ABCA5: variants seen among roughly 807,000 people sequenced by gnomAD.
ABCA5 encodes ATP binding cassette subfamily A member 5.
Under a neutral mutation model 206.0 loss-of-function variants are expected in ABCA5, and 163 were observed. The ratio of observed to expected loss-of-function variants is 0.79; its 90% confidence interval spans 0.70 to 0.90. The LOEUF is 0.90. ABCA5 is among the 40% of genes least tolerant of loss of function. The pLI, the probability that ABCA5 is intolerant of heterozygous loss-of-function variation, is 0.00. For missense variants in ABCA5, 1,859 were observed against 1,912.9 expected (o/e 0.97, Z 0.53); for synonymous variants, 609 against 613.8 (o/e 0.99, Z 0.11).
At position 69,277,764 on chromosome 17, in the gene ABCA5, A is replaced by T; in HGVS notation, c.2471T>A (p.Leu824His). The change falls in exon 19 of 39, where the codon CTT (leucine) becomes CAT (histidine). Residue 824 changes from leucine (L) to histidine (H), a missense_variant. Transcript: ENST00000392676. ...AGCAGCCTTGGTTTCAGAAAGAATA[A>T]GTAAGCTCTGTTCCATTTCATCAAA... ...KSFDEMEQSL[L>H]ILSETKAALV... The T allele has an allele frequency of 6.2e-7, 1 of 1,606,958 alleles. No individual in the cohort carries two copies.
chr17:69,266,571 A>AATATAT (rs201203170), intron 23 of ABCA5, among the ~76,000 whole-genome samples: 1 of 146,538 alleles, frequency 6.8e-6, no homozygotes, highest in Non-Finnish European at 1.5e-5. Context: ...GTATAATAAA[A>AATATAT]ATATATATAT....
chr17:69,325,768 C>G (rs2075893269), intron 1 of ABCA5: 1 of 152,242 alleles, frequency 6.6e-6, no homozygotes, highest in Non-Finnish European at 1.5e-5. Context: ...ACGTTCAAGG[C>G]TGCAGTGAAC....
intron 35 of ABCA5, 60 bp downstream of exon 35, chr17:69,251,687 G>A: frequency 6.5e-7 from 1 of 1,545,932 alleles, no homozygotes. Flanking sequence ...TTGAAATGAT[G>A]ACTTTCAAAA....
At chr17:69,313,394 A>C (rs2075788633) in intron 2 of ABCA5, 98 bp from the exon 3 acceptor site, 1 of 549,460 alleles carries the variant, frequency 1.8e-6, no homozygotes, top group East Asian at 3.3e-5. Context: ...AAAAAACAGG[A>C]AATTTGGTTG....
intron 12 of ABCA5, among the ~76,000 whole-genome samples, chr17:69,290,823 G>A (rs1406887933): frequency 2.0e-5 from 3 of 151,968 alleles, no homozygotes; most frequent in Admixed American, 2.0e-4. Flanking sequence ...TTAGAAGATA[G>A]TATGAACATT....
Position 69,271,306 on chromosome 17 carries a change from A to C in ABCA5, c.2765-17T>G. 6.3e-7 allele frequency: 1 copy of C among 1,597,402 alleles called. No homozygotes were observed. Among genetic ancestry groups the C allele is most frequent in the Non-Finnish European group, 8.5e-7 (1 of 1,173,456 alleles). On this transcript the variant is annotated splice_polypyrimidine_tract_variant and intron_variant, in intron 20 of 38. Transcript: ENST00000392676. ...TATCTGAGTCTGGTGTTAGAAAATA[A>C]GCAAATAATAAAAAATGAGTCTAAA...
intron 5 of ABCA5, 141 bp downstream of exon 5, chr17:69,308,133 TTTTTTA>T: frequency 4.9e-6 from 2 of 408,602 alleles, no homozygotes; most frequent in Middle Eastern, 1.3e-3. Flanking sequence ...AAAATATGAC[TTTTTTA>T]TCTTTTTTCT....
In ABCA5 at chr17:69,256,216, C is replaced by A; in HGVS notation, c.3799G>T (p.Asp1267Tyr). 1 of 1,610,608 alleles carries A rather than the reference C, an allele frequency of 6.2e-7. No individual in the cohort carries two copies. ...EPPDNEDEDE[D>Y]VKAERLKVKE... ...ACCTTTAGTCTTTCAGCTTTGACAT[C>A]TTCATCTTCATCCTCATTGTCTGGT... Residue 1267 changes from aspartate (D) to tyrosine (Y), a missense_variant, in exon 29 of 39, where the codon GAT becomes TAT. Physicochemically the swap from Asp to Tyr is radical, Grantham distance 160. Transcript: ENST00000392676.
At chr17:69,325,992 T>G (rs1403107366) in intron 1 of ABCA5, among the ~76,000 whole-genome samples, 6 of 152,216 alleles carry the variant, frequency 3.9e-5, no homozygotes, top group Non-Finnish European at 7.3e-5. Context: ...CACAAAGCCC[T>G]AACTGCCCTA....
intron 15 of ABCA5, 53 bp downstream of exon 15, chr17:69,287,560 A>G (rs530132742): frequency 6.4e-7 from 1 of 1,566,246 alleles, no homozygotes; most frequent in South Asian, 1.2e-5. Context: ...CTCTATATCC[A>G]TCTTCCTTTT....
Position 69,264,317 on chromosome 17 carries a change from T to A in ABCA5, c.3315+418A>T, listed in dbSNP as rs577862699. ...TGTGGCTATTGTAAATGGAGTTGTG[T>A]TCTTCATCTGGCTCGCAGCCTGCCC... On this transcript the variant is annotated intron_variant, in intron 24 of 38. Transcript: ENST00000392676. Among the ~76,000 whole-genome samples the A allele has an allele frequency of 2.0e-5, 3 of 152,318 alleles. No homozygotes were observed. The South Asian group carries it at 6.2e-4, about 32-fold the overall frequency.
chr17:69,324,457 T>C (rs528295110), intron 1 of ABCA5, among the ~76,000 whole-genome samples: 20 of 152,342 alleles, frequency 1.3e-4, no homozygotes, highest in African/African-American at 1.9e-4. Flanking sequence ...AAGGCAGGCA[T>C]TGGGAATGGA....
intron 17 of ABCA5, among the ~76,000 whole-genome samples, chr17:69,284,315 T>A (rs368017771): frequency 1.3e-5 from 2 of 152,122 alleles, no homozygotes; most frequent in Non-Finnish European, 2.9e-5. Context: ...TGAGCTGTGA[T>A]TGTGGCACTG....
intron 18 of ABCA5, among the ~76,000 whole-genome samples, chr17:69,281,091 A>G (rs934061406): frequency 6.6e-6 from 1 of 151,742 alleles, no homozygotes; most frequent in Non-Finnish European, 1.5e-5. Flanking sequence ...TTAAACCATA[A>G]ACATATATTT....
intron 7 of ABCA5, among the ~76,000 whole-genome samples, chr17:69,303,480 A>G (rs991018107): frequency 1.3e-5 from 2 of 151,708 alleles, no homozygotes; most frequent in African/African-American, 4.8e-5. Flanking sequence ...GACCACCTCT[A>G]CATTACAGAA....
chr17:69,271,121 A>G (rs985086072), intron 21 of ABCA5, 41 bp downstream of exon 21: 6 of 1,578,738 alleles, frequency 3.8e-6, no homozygotes, highest in Middle Eastern at 1.7e-4. Flanking sequence ...TTAATCTTGC[A>G]TAACTCCCAA....
chr17:69,291,698 T>C (rs556716221), intron 11 of ABCA5, among the ~76,000 whole-genome samples: 1 of 152,102 alleles, frequency 6.6e-6, no homozygotes, highest in African/African-American at 2.4e-5. Flanking sequence ...AATTAACCAA[T>C]AGCATAGAAA....
chr17:69,287,780 G>T (rs762789034), intron 14 of ABCA5, 29 bp from the exon 15 acceptor site: 3 of 1,596,426 alleles, frequency 1.9e-6, no homozygotes, highest in South Asian at 2.3e-5. Context: ...AGAAGGGCAG[G>T]GAATCCTCAG....
At chr17:69,285,382 A>G (rs1179325310) in intron 17 of ABCA5, 1 of 152,176 alleles carries the variant, frequency 6.6e-6, no homozygotes, top group Non-Finnish European at 1.5e-5. Flanking sequence ...TGCACAATGT[A>G]CTTACATCAA....
Sources: gnomAD v4.1 joint callset for allele counts (sites outside exome capture counted in the v4.1 genomes callset) on GRCh38, gnomAD v4.1.1 for gene constraint, MANE v1.5 for transcripts, NCBI Gene and HGNC (gene_info 2026-07-23, HGNC 2026-07-21) for gene names.